ZNF287: variants seen among roughly 807,000 people sequenced by gnomAD.
ZNF287 encodes the protein zinc finger protein 287.
A neutral mutation model predicts 73.7 loss-of-function variants in ZNF287; 31 were observed. The ratio of observed to expected loss-of-function variants is 0.42; its 90% CI spans 0.32 to 0.57. The LOEUF (loss-of-function observed/expected upper bound fraction) is 0.57. Ranked by LOEUF, ZNF287 falls within the 20% of genes least tolerant of loss-of-function variation. ZNF287 has a pLI of 0.13. For missense variants in ZNF287, 641 were observed against 909.3 expected (o/e 0.70, Z 3.79); for synonymous variants, 301 against 307.2 (o/e 0.98, Z 0.21).
At chr17:16,554,044 T>G (rs1352712897) in intron 5 of ZNF287, among the ~76,000 whole-genome samples, 2 of 152,178 alleles carry the variant, frequency 1.3e-5, no homozygotes, top group African/African-American at 4.8e-5. Flanking sequence ...CCCAGCAGTT[T>G]TGCTACATAC....
In ZNF287 at chr17:16,547,376, C is replaced by T. The variant is rs1317134602; in HGVS notation, c.*4480G>A. Among the ~76,000 whole-genome samples the T allele has an allele frequency of 6.6e-6, 1 of 152,160 alleles. No individual in the cohort carries two copies. The highest frequency in any genetic ancestry group is 2.1e-4 in the South Asian group (1 of 4,824). On this transcript the variant is annotated 3_prime_UTR_variant, in exon 6 of 6. Transcript: ENST00000395825. The stretch of plus-strand genomic sequence containing the variant: ...CACTTGGCAGATTAACTGACAAGTT[C>T]TATTCCCTTGTAAATTTCCTGATGG...
rs1906593032 is a variant in ZNF287 at position 16,550,700 on chromosome 17, A to G, written c.*1156T>C. Among the ~76,000 whole-genome samples, 1 of 152,308 alleles carries G rather than the reference A, an allele frequency of 6.6e-6. No homozygotes were observed. The highest frequency in any genetic ancestry group is 1.9e-4 in the East Asian group (1 of 5,182). On this transcript the variant is annotated 3_prime_UTR_variant, in exon 6 of 6. Coordinates refer to ENST00000395825, the MANE Select transcript of ZNF287 (RefSeq NM_020653.4). ...TCAGCACTGTAACAAGCTTGAGAGG[A>G]TCCAATTAGGAAGTTTGGGACCTGA...
intron 5 of ZNF287, among the ~76,000 whole-genome samples, chr17:16,561,621 T>G (rs2142491750): frequency 6.6e-6 from 1 of 152,308 alleles, no homozygotes; most frequent in South Asian, 2.1e-4. Flanking sequence ...GCAAAATGTT[T>G]AAACTGACTA....
Position 16,552,614 on chromosome 17 carries a change from A to G in ZNF287, c.1528T>C (p.Cys510Arg). 1 of 1,614,160 alleles carries G rather than the reference A, an allele frequency of 6.2e-7. No individual in the cohort carries two copies. The highest frequency in any genetic ancestry group is 8.5e-7 in the Non-Finnish European group (1 of 1,180,018). The change falls in exon 6 of 6, where the codon TGC becomes CGC. Residue 510 changes from cysteine (C) to arginine (R), a missense_variant. By Grantham distance (180) the Cys-to-Arg change is radical. Coordinates refer to ENST00000395825, the MANE Select transcript of ZNF287 (RefSeq NM_020653.4). This position sits in a 1 kb window ranked among gnomAD's most constrained non-coding sequence, Gnocchi z 6.5. ...CTGAAAGTCTTCCCACATTCATTGC[A>G]TATATAAGGTTTTTCTCCAGTATGA... is the stretch of plus-strand genomic sequence containing the variant. ...RVHTGEKPYI[C>R]NECGKTFSQS...
Position 16,567,579 on chromosome 17 carries a change from A to G in ZNF287, c.153T>C (p.Asn51=). 2.5e-6 allele frequency: 4 copies of G among 1,614,150 alleles called. No individual in the cohort carries two copies. Among genetic ancestry groups the G allele is most frequent in the Non-Finnish European group, 3.4e-6 (4 of 1,180,028 alleles). The change falls in exon 2 of 6, where the codon AAT becomes AAC. Residue 51 remains asparagine, a synonymous_variant. Transcript: ENST00000395825. ...GGTCTGGGTATGGAAAATTCCTAAA[A>G]TTCTGTCGACAGGTCTCAGTGTCAC... ...FLRDTETCRQ[N]FRNFPYPDLA...
chr17:16,566,053 A>T (rs1222496736), intron 3 of ZNF287, among the ~76,000 whole-genome samples: 1 of 152,220 alleles, frequency 6.6e-6, no homozygotes. Flanking sequence ...ACTACTTGTT[A>T]ATGAGGAAAA....
rs1432631223 is a variant in ZNF287 at position 16,550,465 on chromosome 17, A to G, written c.*1391T>C. On this transcript the variant is annotated 3_prime_UTR_variant, in exon 6 of 6. Transcript: ENST00000395825. ...AAATTTCACCTTTTCCCCGACCCAC[A>G]TTCTGCAGTGAATTCAGATCTATTT... Among the ~76,000 whole-genome samples, 1 of 152,140 alleles carries G rather than the reference A, an allele frequency of 6.6e-6. No individual in the cohort carries two copies. Among genetic ancestry groups the G allele is most frequent in the Non-Finnish European group, 1.5e-5 (1 of 68,022 alleles).
In ZNF287 at chr17:16,547,269, G is replaced by A. The variant is rs17716244; in HGVS notation, c.*4587C>T. On this transcript the variant is annotated 3_prime_UTR_variant, in exon 6 of 6. Coordinates refer to ENST00000395825, the MANE Select transcript of ZNF287 (RefSeq NM_020653.4). The stretch of plus-strand genomic sequence containing the variant: ...GGAGGGCTATTAGCTTATAAACACC[G>A]TAAGTTATAGACATATAATAGTTAA... Among the ~76,000 whole-genome samples, 5,757 of 152,210 alleles carry A rather than the reference G, an allele frequency of 0.038. 126 individuals are homozygous for A. Among genetic ancestry groups the A allele is most frequent in the Middle Eastern group, 0.065 (19 of 294 alleles).
chr17:16,563,596 G>A, intron 4 of ZNF287, 103 bp downstream of exon 4: 1 of 1,330,852 alleles, frequency 7.5e-7, no homozygotes, highest in Non-Finnish European at 1.0e-6. Flanking sequence ...AATGAGATAA[G>A]AACATTTATT....
chr17:16,563,678 AG>A lies in ZNF287; in HGVS notation c.628+20del, dbSNP rs1907578560. On this transcript the variant is annotated intron_variant, in intron 4 of 5. Coordinates refer to ENST00000395825, the MANE Select transcript of ZNF287 (RefSeq NM_020653.4). Reference sequence around the variant, plus strand: ...TTAATGGGAACAGGCTCGGAGGAGGAGGGATGCAGATGATCCTTACCCAGAG... The same window carrying A: ...TTAATGGGAACAGGCTCGGAGGAGGAGGATGCAGATGATCCTTACCCAGAG... The A allele has an allele frequency of 6.2e-7, 1 of 1,608,146 alleles. No individual in the cohort carries two copies.
Position 16,549,327 on chromosome 17 carries a change from T to C in ZNF287, c.*2529A>G, listed in dbSNP as rs1569009713. 6.6e-6 allele frequency among the ~76,000 whole-genome samples: 1 copy of C among 152,036 alleles called. No individual in the cohort carries two copies. The highest frequency in any genetic ancestry group is 6.5e-5 in the Admixed American group (1 of 15,282). ...TTGCCTCTGTTTATCAGTGGAAGAC[T>C]TTATAAATGCATTATTTACATAAAA... On this transcript the variant is annotated 3_prime_UTR_variant, in exon 6 of 6. Coordinates refer to ENST00000395825, the MANE Select transcript of ZNF287 (RefSeq NM_020653.4).
chr17:16,561,927 T>C (rs1209854234), intron 5 of ZNF287, among the ~76,000 whole-genome samples: 5 of 152,326 alleles, frequency 3.3e-5, no homozygotes, highest in African/African-American at 1.2e-4. Context: ...GTTAATTATC[T>C]AGAGTGAGAG....
chr17:16,549,589 A>C lies in ZNF287; in HGVS notation c.*2267T>G, dbSNP rs770939913. Among the ~76,000 whole-genome samples, 46 of 152,216 alleles carry C rather than the reference A, an allele frequency of 3.0e-4. No individual in the cohort carries two copies. Among genetic ancestry groups the C allele is most frequent in the Admixed American group, 8.5e-4 (13 of 15,286 alleles). On this transcript the variant is annotated 3_prime_UTR_variant, in exon 6 of 6. Transcript: ENST00000395825. ...AAATCAAGGTTAACTAATGTAAGGGAAATGGAAATCAAGTTTTTTAAAGAA... is the reference window on the plus strand; with the variant it reads ...AAATCAAGGTTAACTAATGTAAGGGCAATGGAAATCAAGTTTTTTAAAGAA...
rs8081384 is a variant in ZNF287, at chr17:16,567,533, A to G, written c.199T>C (p.Leu67=). The G allele has an allele frequency of 2.3e-4, 379 of 1,614,212 alleles. No individual in the cohort carries two copies. In the African/African-American group the frequency reaches 4.4e-3, roughly 19 times the overall value. Residue 67 remains leucine (L), a synonymous_variant, in exon 2 of 6, where the codon TTG becomes CTG. Coordinates refer to ENST00000395825, the MANE Select transcript of ZNF287 (RefSeq NM_020653.4). ...AGGCAGAGCTCTCGGAGTTGACTCA[A>G]TGCCTTTCGAGGACCAGCCAGGTCT... ...YPDLAGPRKA[L]SQLRELCLKW...
In ZNF287 at chr17:16,549,658, T is replaced by C. The variant is rs955701041; in HGVS notation, c.*2198A>G. 6.6e-6 allele frequency among the ~76,000 whole-genome samples: 1 copy of C among 152,228 alleles called. No homozygotes were observed. The highest frequency in any genetic ancestry group is 2.4e-5 in the African/African-American group (1 of 41,452). ...CTTTAGGATACTAGCATCCTGGGTC[T>C]TTCCTTCAGTACCTGTTTGTAGGAT... On this transcript the variant is annotated 3_prime_UTR_variant, in exon 6 of 6. Coordinates refer to ENST00000395825, the MANE Select transcript of ZNF287 (RefSeq NM_020653.4).
Position 16,563,724 on chromosome 17 carries a change from C to G in ZNF287, c.603G>C (p.Gln201His), listed in dbSNP as rs777239033. Residue 201 changes from glutamine to histidine, a missense_variant, in exon 4 of 6, where the codon CAG becomes CAC. Gln to His is a conservative substitution (Grantham distance 24). This residue lies in a region of ZNF287 where 357 missense variants were observed against 442.4 expected (regional missense o/e 0.81). Coordinates refer to ENST00000395825, the MANE Select transcript of ZNF287 (RefSeq NM_020653.4). ...QKELYKTVTL[Q>H]NYWNMVSLGL... ...CCAGAGAAACCATGTTCCAATAGTT[C>G]TGTAACGTCACAGTCTTGTATAATT... 1 of 1,613,640 alleles carries G rather than the reference C, an allele frequency of 6.2e-7. No homozygotes were observed. The highest frequency in any genetic ancestry group is 8.5e-7 in the Non-Finnish European group (1 of 1,179,738).
In ZNF287 at chr17:16,567,685, A is replaced by G; in HGVS notation, c.47T>C (p.Ile16Thr). The G allele has an allele frequency of 6.2e-7, 1 of 1,613,982 alleles. No individual in the cohort carries two copies. The highest frequency in any genetic ancestry group is 1.1e-5 in the South Asian group (1 of 91,072). The change falls in exon 2 of 6, where the codon ATC becomes ACC. Residue 16 changes from isoleucine to threonine, a missense_variant. By Grantham distance (89) the Ile-to-Thr change is moderately conservative (BLOSUM62 -1). Coordinates refer to ENST00000395825, the MANE Select transcript of ZNF287 (RefSeq NM_020653.4). ...CTTGTCTGACTTCCACCTTAGAAGG[A>G]TTTGAGAACGTGAAGAACTGTTCAT... ...KRMNSSSRSQ[I>T]LLRWKSDKAQ...
chr17:16,553,336 G>A lies in ZNF287; in HGVS notation c.806C>T (p.Ser269Leu). 6.2e-7 allele frequency: 1 copy of A among 1,613,266 alleles called. No individual in the cohort carries two copies. The highest frequency in any genetic ancestry group is 8.5e-7 in the Non-Finnish European group (1 of 1,179,576). ...EETHTIKLED[S>L]YDYDDRLERR... ...CTCTAGTCTATCATCGTAGTCATATGAGTCTTCTAATTTGATGGTATGGGT... is the reference window on the plus strand; with the variant it reads ...CTCTAGTCTATCATCGTAGTCATATAAGTCTTCTAATTTGATGGTATGGGT... Residue 269 changes from serine to leucine, a missense_variant, in exon 6 of 6, where the codon TCA becomes TTA. By Grantham distance (145) the Ser-to-Leu change is moderately radical. Around this residue, in one of 2 missense-constraint regions of ZNF287, gnomAD observed 357 missense variants for 442.4 expected, o/e 0.81. Transcript: ENST00000395825.
At chr17:16,559,292 A>G (rs1339728932) in intron 5 of ZNF287, 2 of 152,160 alleles carry the variant, frequency 1.3e-5, no homozygotes, top group East Asian at 3.8e-4. Context: ...AAGCAAAAAA[A>G]CACTATCCTT....
Sources: gnomAD v4.1 joint callset for allele counts (sites outside exome capture counted in the v4.1 genomes callset) on GRCh38, gnomAD v4.1.1 for gene constraint, gnomAD v4.1.1 regional missense constraint, Gnocchi (gnomAD v3.1) non-coding constraint, MANE v1.5 for transcripts, NCBI Gene and HGNC (gene_info 2026-07-23, HGNC 2026-07-21) for gene names.